TFCP2: variants seen among roughly 807,000 people sequenced by gnomAD.
TFCP2 encodes transcription factor CP2, also known as alpha-globin transcription factor CP2.
A neutral mutation model predicts 73.4 loss-of-function variants in TFCP2; 33 were observed. That is an observed-to-expected ratio of 0.45 (90% CI 0.34 to 0.60). TFCP2 has a LOEUF of 0.60. Ranked by LOEUF, TFCP2 falls within the 20% of genes least tolerant of loss-of-function variation. The pLI is 0.01. For synonymous variants in TFCP2, 193 were observed against 211.6 expected (o/e 0.91, Z 0.76); for missense variants, 352 against 604.0 (o/e 0.58, Z 4.37).
intron 1 of TFCP2, among the ~76,000 whole-genome samples, chr12:51,153,432 T>C (rs556990799): frequency 2.3e-4 from 35 of 152,138 alleles, no homozygotes; most frequent in Middle Eastern, 3.4e-3. Flanking sequence ...TCTATATCAA[T>C]GCTTCAATCT....
At chr12:51,122,067 G>A (rs1451271333) in intron 1 of TFCP2, among the ~76,000 whole-genome samples, 1 of 151,886 alleles carries the variant, frequency 6.6e-6, no homozygotes, top group Non-Finnish European at 1.5e-5. Flanking sequence ...AGTAGCAAAT[G>A]TTCTGATTAT....
At chr12:51,120,909 C>CAAAA (rs35941534) in intron 1 of TFCP2, among the ~76,000 whole-genome samples, 72 of 78,478 alleles carry the variant, frequency 9.2e-4, no homozygotes, top group East Asian at 2.7e-3. Flanking sequence ...GACTGTGTCT[C>CAAAA]AAAAAAAAAA....
chr12:51,165,643 C>G (rs1375001868), intron 1 of TFCP2, among the ~76,000 whole-genome samples: 2 of 152,090 alleles, frequency 1.3e-5, no homozygotes, highest in Non-Finnish European at 2.9e-5. Flanking sequence ...TACAGCATTT[C>G]ACTTTGGGAT....
intron 4 of TFCP2, among the ~76,000 whole-genome samples, chr12:51,112,841 T>C (rs979711071): frequency 9.8e-5 from 14 of 142,236 alleles, no homozygotes; most frequent in Middle Eastern, 7.9e-3. Context: ...TACTCCAGCC[T>C]GGATGACAGA....
At chr12:51,155,001 A>G (rs1941508322) in intron 1 of TFCP2, among the ~76,000 whole-genome samples, 1 of 152,194 alleles carries the variant, frequency 6.6e-6, no homozygotes, top group Non-Finnish European at 1.5e-5. Flanking sequence ...TTGAGGGAGT[A>G]AGATCCATCC....
At chr12:51,112,063 C>A (rs530628103) in intron 4 of TFCP2, among the ~76,000 whole-genome samples, 3 of 151,880 alleles carry the variant, frequency 2.0e-5, no homozygotes, top group African/African-American at 7.2e-5. Flanking sequence ...GAGGCTGAGG[C>A]AGAGAGAACT....
chr12:51,136,312 A>AAAAAG (rs1555254106), intron 1 of TFCP2, among the ~76,000 whole-genome samples: 1 of 151,736 alleles, frequency 6.6e-6, no homozygotes, highest in African/African-American at 2.4e-5. Context: ...TAAAAAAAAA[A>AAAAAG]AAAAAGAAAA....
chr12:51,097,584 T>C (rs1278432115), intron 13 of TFCP2, among the ~76,000 whole-genome samples: 2 of 152,150 alleles, frequency 1.3e-5, no homozygotes, highest in East Asian at 3.8e-4. Context: ...TTAAAACATG[T>C]AGCATATTTA....
At chr12:51,099,216 T>G (rs915714541) in intron 12 of TFCP2, among the ~76,000 whole-genome samples, 11 of 152,178 alleles carry the variant, frequency 7.2e-5, no homozygotes, top group Non-Finnish European at 1.5e-4. Context: ...CTGGGTGTAG[T>G]GGTTTACACC....
At chr12:51,161,566 G>T (rs1198593683) in intron 1 of TFCP2, among the ~76,000 whole-genome samples, 2 of 151,570 alleles carry the variant, frequency 1.3e-5, no homozygotes, top group Non-Finnish European at 2.9e-5. Flanking sequence ...TGTAATCCCA[G>T]CTATTCAGGA....
intron 1 of TFCP2, among the ~76,000 whole-genome samples, chr12:51,155,937 G>A (rs1941526327): frequency 6.6e-6 from 1 of 152,134 alleles, no homozygotes; most frequent in African/African-American, 2.4e-5. Flanking sequence ...AGCTACTTGG[G>A]AGGCTTTGGC....
At chr12:51,161,670 ACT>A (rs1941650901) in intron 1 of TFCP2, among the ~76,000 whole-genome samples, 1 of 109,308 alleles carries the variant, frequency 9.1e-6, no homozygotes, top group African/African-American at 2.9e-5. Flanking sequence ...ACAGAGTGAG[ACT>A]CTGTCTCAAA....
intron 1 of TFCP2, among the ~76,000 whole-genome samples, chr12:51,164,162 A>G (rs897550368): frequency 2.6e-5 from 4 of 152,314 alleles, no homozygotes; most frequent in Non-Finnish European, 4.4e-5. Context: ...TGATCACACC[A>G]CTGCATCATT....
rs150190415 is a variant in TFCP2 at position 51,170,920 on chromosome 12, C to T, written c.122+1381G>A. ...TTCTCGAACTCCTGACCTCGTGATCCGCCCACCTCAGCCTACCAAAGTGCT... is the reference window on the plus strand; with the variant it reads ...TTCTCGAACTCCTGACCTCGTGATCTGCCCACCTCAGCCTACCAAAGTGCT... On this transcript the variant is annotated intron_variant, in intron 1 of 14. Transcript: ENST00000257915. Among the ~76,000 whole-genome samples, 10 of 152,156 alleles carry T rather than the reference C, an allele frequency of 6.6e-5. No individual in the cohort carries two copies. The East Asian group carries it at 1.3e-3, about 21-fold the overall frequency.
At chr12:51,158,209 G>A (rs933402174) in intron 1 of TFCP2, among the ~76,000 whole-genome samples, 2 of 151,300 alleles carry the variant, frequency 1.3e-5, no homozygotes, top group Non-Finnish European at 2.9e-5. Context: ...GTAGAGACGA[G>A]GTCTTGCTAT....
intron 13 of TFCP2, among the ~76,000 whole-genome samples, chr12:51,096,269 G>A: frequency 6.6e-6 from 1 of 152,098 alleles, no homozygotes; most frequent in East Asian, 1.9e-4. Context: ...TTTAAAGCCT[G>A]GTATGCATTT....
intron 8 of TFCP2, 53 bp from the exon 9 acceptor site, chr12:51,104,256 A>C: frequency 8.9e-6 from 13 of 1,463,654 alleles, no homozygotes; most frequent in Non-Finnish European, 1.1e-5. Context: ...GCTGGGGCTC[A>C]TTATTTCATT....
At chr12:51,132,357 C>CTT (rs869123355) in intron 1 of TFCP2, among the ~76,000 whole-genome samples, 1,339 of 61,664 alleles carry the variant, frequency 0.022, 346 homozygotes, top group East Asian at 0.098. Context: ...AGGGATTAGT[C>CTT]TTTTTTTTTT....
At chr12:51,131,408 A>C (rs559214331) in intron 1 of TFCP2, among the ~76,000 whole-genome samples, 3 of 152,222 alleles carry the variant, frequency 2.0e-5, no homozygotes, top group East Asian at 3.9e-4. Context: ...AGGCATACTA[A>C]ATCTTCTGTA....
Sources: gnomAD v4.1 joint callset for allele counts (sites outside exome capture counted in the v4.1 genomes callset) on GRCh38, gnomAD v4.1.1 for gene constraint, MANE v1.5 for transcripts, NCBI Gene and HGNC (gene_info 2026-07-23, HGNC 2026-07-21) for gene names.